Variants in CFAP61 observed in about 807,000 individuals in gnomAD.
CFAP61 encodes the protein cilia and flagella associated protein 61.
CFAP61 carries 107 observed loss-of-function variants against 135.6 expected under a neutral mutation model. The observed-to-expected ratio is 0.79, with a 90% CI of 0.67 to 0.93. CFAP61 has a LOEUF of 0.93. CFAP61 is among the 40% of genes least tolerant of loss of function. CFAP61 has a pLI of 0.00. For synonymous variants in CFAP61, 575 were observed against 578.5 expected, an observed-to-expected ratio of 0.99 and a Z score of 0.09; for missense variants, 1,507 against 1,556.2, an observed-to-expected ratio of 0.97 and a Z score of 0.53.
At chr20:20,319,465 A>G (rs2057321205) in intron 25 of CFAP61, among the ~76,000 whole-genome samples, 1 of 152,060 alleles carries the variant, frequency 6.6e-6, no homozygotes, top group African/African-American at 2.4e-5. Flanking sequence ...ATGGGGGCGG[A>G]TTTTCCCCTT....
chr20:20,305,849 A>G (rs896238328), intron 25 of CFAP61, among the ~76,000 whole-genome samples: 1 of 152,212 alleles, frequency 6.6e-6, no homozygotes, highest in African/African-American at 2.4e-5. Flanking sequence ...CTCATTGACC[A>G]TGCCTTGGCC....
intron 16 of CFAP61, among the ~76,000 whole-genome samples, 191 bp downstream of exon 16, chr20:20,196,967 A>G (rs2056335732): frequency 1.3e-5 from 2 of 152,216 alleles, no homozygotes; most frequent in South Asian, 4.1e-4. Context: ...CGAATTTCTG[A>G]CACAATCACA....
intron 17 of CFAP61, among the ~76,000 whole-genome samples, chr20:20,207,982 G>A (rs562606420): frequency 9.2e-5 from 14 of 152,240 alleles, no homozygotes; most frequent in African/African-American, 3.1e-4. Context: ...TGTGATTTTC[G>A]TGGCCACACA....
intron 17 of CFAP61, among the ~76,000 whole-genome samples, chr20:20,205,457 C>T (rs1392398169): frequency 1.3e-5 from 2 of 152,178 alleles, no homozygotes; most frequent in African/African-American, 4.8e-5. Context: ...ACTTTCCTAC[C>T]TAAAGGCTGA....
At chr20:20,156,779 T>C (rs1214244035) in intron 9 of CFAP61, among the ~76,000 whole-genome samples, 1 of 152,174 alleles carries the variant, frequency 6.6e-6, no homozygotes, top group Non-Finnish European at 1.5e-5. Flanking sequence ...TACTTATAGA[T>C]TAAATCTGAC....
At chr20:20,084,145 C>G (rs560208666) in intron 6 of CFAP61, among the ~76,000 whole-genome samples, 1 of 152,198 alleles carries the variant, frequency 6.6e-6, no homozygotes, top group Non-Finnish European at 1.5e-5. Flanking sequence ...TTAACTAGAA[C>G]ACACTGCATT....
intron 9 of CFAP61, among the ~76,000 whole-genome samples, chr20:20,157,026 CTT>C (rs1261080973): frequency 2.0e-5 from 3 of 152,088 alleles, no homozygotes; most frequent in African/African-American, 2.4e-5. Flanking sequence ...GCCAGAGAAA[CTT>C]TGAAAAATAA....
intron 8 of CFAP61, among the ~76,000 whole-genome samples, chr20:20,105,305 C>T (rs1356123099): frequency 6.6e-6 from 1 of 152,126 alleles, no homozygotes; most frequent in African/African-American, 2.4e-5. Flanking sequence ...CTTCTGTGCC[C>T]TGGTCACCTC....
intron 25 of CFAP61, among the ~76,000 whole-genome samples, chr20:20,301,564 A>G (rs2056106953): frequency 1.3e-5 from 2 of 152,212 alleles, no homozygotes; most frequent in South Asian, 4.1e-4. Flanking sequence ...AAATTTGGCC[A>G]GTCTAGTGGC....
intron 8 of CFAP61, among the ~76,000 whole-genome samples, chr20:20,134,886 G>A (rs1180805958): frequency 6.6e-6 from 1 of 152,092 alleles, no homozygotes; most frequent in Non-Finnish European, 1.5e-5. Flanking sequence ...CATTCAGTCA[G>A]CCACAGGTGC....
Position 20,159,173 on chromosome 20 carries a change from A to G in CFAP61, c.952-197A>G, listed in dbSNP as rs118033207. Among the ~76,000 whole-genome samples, 369 of 152,304 alleles carry G rather than the reference A, an allele frequency of 2.4e-3. 2 individuals are homozygous for G. Among genetic ancestry groups the G allele is most frequent in the Non-Finnish European group, 4.4e-3 (296 of 68,024 alleles). On this transcript the variant is annotated intron_variant, in intron 9 of 26. Coordinates refer to ENST00000245957, the MANE Select transcript of CFAP61 (RefSeq NM_015585.4). ...CTGTCTGTCTTTATTTTATCCTCATAACAGCCTTATGAAATAGATGCTCTT... is the reference window on the plus strand; with the variant it reads ...CTGTCTGTCTTTATTTTATCCTCATGACAGCCTTATGAAATAGATGCTCTT...
chr20:20,149,586 C>T (rs1483528259), intron 9 of CFAP61, among the ~76,000 whole-genome samples: 1 of 152,188 alleles, frequency 6.6e-6, no homozygotes, highest in Non-Finnish European at 1.5e-5. Context: ...ACTGGCGAAT[C>T]TGAAAATCCA....
chr20:20,290,190 A>G, intron 23 of CFAP61, 110 bp from the exon 24 acceptor site: 2 of 721,702 alleles, frequency 2.8e-6, no homozygotes, highest in African/African-American at 1.8e-5. Context: ...TGAAAGTTTG[A>G]GGAGCATACG....
chr20:20,201,605 GTTTGGT>G (rs1366914750), intron 17 of CFAP61, among the ~76,000 whole-genome samples: 12 of 152,222 alleles, frequency 7.9e-5, no homozygotes, highest in African/African-American at 2.7e-4. Context: ...ACACCCAGAA[GTTTGGT>G]GCAAAGACAG....
At chr20:20,274,115 T>TA (rs1486111805) in intron 21 of CFAP61, among the ~76,000 whole-genome samples, 1 of 152,190 alleles carries the variant, frequency 6.6e-6, no homozygotes, top group East Asian at 1.9e-4. Context: ...CAACATTATA[T>TA]ATGGGCATTT....
At chr20:20,289,076 AG>A (rs1373748171) in intron 23 of CFAP61, 140 bp downstream of exon 23, 1 of 606,696 alleles carries the variant, frequency 1.6e-6, no homozygotes, top group African/African-American at 1.8e-5. Context: ...AGACAGAGAA[AG>A]GGTCTATAAT....
chr20:20,090,413 CAGGCG>C (rs2047097049), intron 6 of CFAP61, among the ~76,000 whole-genome samples: 1 of 152,008 alleles, frequency 6.6e-6, no homozygotes, highest in Non-Finnish European at 1.5e-5. Context: ...AAGTTCAGGC[CAGGCG>C]TGGCAGCTCA....
intron 13 of CFAP61, among the ~76,000 whole-genome samples, chr20:20,186,079 A>C (rs987247437): frequency 6.6e-6 from 1 of 152,224 alleles, no homozygotes; most frequent in Non-Finnish European, 1.5e-5. Context: ...AATGGTTTGT[A>C]GTAGAGTTAC....
chr20:20,063,046 A>G (rs2044928907), intron 2 of CFAP61, among the ~76,000 whole-genome samples: 1 of 152,218 alleles, frequency 6.6e-6, no homozygotes, highest in Admixed American at 6.5e-5. Flanking sequence ...AGTTTCTTAA[A>G]ATCAACTTAA....
Sources: gnomAD v4.1 joint callset for allele counts (sites outside exome capture counted in the v4.1 genomes callset) on GRCh38, gnomAD v4.1.1 for gene constraint, MANE v1.5 for transcripts, NCBI Gene and HGNC (gene_info 2026-07-23, HGNC 2026-07-21) for gene names.